The following METTL22 variants were observed in gnomAD, a reference collection of about 807,000 sequenced individuals.
METTL22 encodes the protein methyltransferase 22, Kin17 lysine.
In METTL22, 51 loss-of-function variants were observed where a neutral mutation model predicts 48.4. The ratio of observed to expected loss-of-function variants is 1.05; its 90% CI spans 0.84 to 1.33. The LOEUF (loss-of-function observed/expected upper bound fraction) is 1.33. Ranked by LOEUF, METTL22 falls within the 40% of genes most tolerant of loss-of-function variation. The pLI, the probability that METTL22 is intolerant of heterozygous loss-of-function variation, is 0.00. For synonymous variants in METTL22, 255 were observed against 214.1 expected (o/e 1.19, Z -1.67); for missense variants, 678 against 526.9 (o/e 1.29, Z -2.81).
intron 10 of METTL22, chr16:8,645,829 C>A: frequency 1.2e-6 from 1 of 844,812 alleles, no homozygotes; most frequent in South Asian, 3.7e-5. Context: ...TACGGCAACT[C>A]ACTGCTATTC....
In METTL22 at chr16:8,635,194, A is replaced by G. The variant is rs760556241; in HGVS notation, c.582A>G (p.Ala194=). The G allele has an allele frequency of 6.2e-7, 1 of 1,610,964 alleles. No individual in the cohort carries two copies. The highest frequency in any genetic ancestry group is 1.7e-5 in the Admixed American group (1 of 59,856). ...KQVWRGALLL[A]DYILFRQDLF... ...TGTGGCGGGGCGCCCTGCTCCTGGC[A>G]GACTACATCCTGTTCCGACAGGACC... The change falls in exon 5 of 11, where the codon GCA becomes GCG. Residue 194 remains alanine (A), a synonymous_variant. Transcript: ENST00000381920.
chr16:8,642,683 C>A, intron 9 of METTL22, 118 bp downstream of exon 9: 1 of 948,578 alleles, frequency 1.1e-6, no homozygotes, highest in African/African-American at 1.6e-5. Context: ...TTATTGAGCA[C>A]CTACTATGTG....
chr16:8,642,626 C>G (rs1368120001), intron 9 of METTL22, 61 bp downstream of exon 9: 2 of 1,462,230 alleles, frequency 1.4e-6, no homozygotes. Context: ...CTCTCACCTC[C>G]TAATTGTGTC....
chr16:8,627,317 C>G (rs2056095552), intron 2 of METTL22, among the ~76,000 whole-genome samples: 1 of 152,090 alleles, frequency 6.6e-6, no homozygotes, highest in Non-Finnish European at 1.5e-5. Flanking sequence ...ATGTCACTCT[C>G]TCTTGCTCTT....
chr16:8,625,116 T>C (rs2056000203), intron 1 of METTL22, among the ~76,000 whole-genome samples: 1 of 152,190 alleles, frequency 6.6e-6, no homozygotes, highest in Non-Finnish European at 1.5e-5. Flanking sequence ...GATTTGCTAA[T>C]GGTCTTATGA....
intron 6 of METTL22, among the ~76,000 whole-genome samples, chr16:8,640,650 G>GAGGC (rs2056570835): frequency 3.1e-5 from 2 of 63,594 alleles, no homozygotes; most frequent in East Asian, 6.1e-4. Flanking sequence ...GGATGGGAGG[G>GAGGC]AGGGAGGGAA....
chr16:8,642,588 C>A (rs373622221), intron 9 of METTL22, 23 bp downstream of exon 9: 1 of 1,604,178 alleles, frequency 6.2e-7, no homozygotes, highest in Admixed American at 1.7e-5. Context: ...CCACGGGAAC[C>A]GTGCTGACGT....
At chr16:8,633,840 CCT>C (rs2056341487) in intron 3 of METTL22, among the ~76,000 whole-genome samples, 1 of 152,204 alleles carries the variant, frequency 6.6e-6, no homozygotes, top group Admixed American at 6.5e-5. Context: ...TAATGCTGAA[CCT>C]TAGTCAGTGT....
intron 1 of METTL22, chr16:8,623,575 C>T (rs912046452): frequency 6.6e-6 from 1 of 152,204 alleles, no homozygotes; most frequent in Non-Finnish European, 1.5e-5. Flanking sequence ...TGTTGGCCTT[C>T]AGGTCCAGCA....
the METTL22 span, among the ~76,000 whole-genome samples, chr16:8,661,876 T>C: frequency 2.3e-4 from 34 of 145,130 alleles, 3 homozygotes; most frequent in Admixed American, 8.4e-4. Flanking sequence ...CCCAGCCTCC[T>C]GTACCCATTT....
At chr16:8,636,121 G>A (rs914847236) in intron 5 of METTL22, among the ~76,000 whole-genome samples, 5 of 151,994 alleles carry the variant, frequency 3.3e-5, no homozygotes, top group East Asian at 1.9e-4. Flanking sequence ...CCCTCCCACC[G>A]TGTCACCTTC....
chr16:8,645,990 T>A, intron 10 of METTL22, 118 bp from the exon 11 acceptor site: 1 of 1,511,994 alleles, frequency 6.6e-7, no homozygotes. Context: ...CCAGCTCGCC[T>A]GCTCCGTGGC....
chr16:8,662,830 A>G, the METTL22 span, among the ~76,000 whole-genome samples: 520 of 144,474 alleles, frequency 3.6e-3, 64 homozygotes, highest in African/African-American at 0.013. Flanking sequence ...TGCGCACACT[A>G]CTAGTACTTA....
chr16:8,626,330 C>G (rs559426973), intron 2 of METTL22, among the ~76,000 whole-genome samples: 5 of 152,208 alleles, frequency 3.3e-5, no homozygotes, highest in African/African-American at 1.2e-4. Context: ...ACCTATTGTG[C>G]GCCTGACCCA....
intron 10 of METTL22, chr16:8,645,822 G>A: frequency 1.3e-6 from 1 of 757,542 alleles, no homozygotes; most frequent in Non-Finnish European, 1.7e-6. Context: ...GGAGAGATAC[G>A]GCAACTCACT....
the METTL22 span, among the ~76,000 whole-genome samples, chr16:8,655,653 C>G: frequency 6.6e-6 from 1 of 152,182 alleles, no homozygotes; most frequent in Non-Finnish European, 1.5e-5. Flanking sequence ...AGGCTGCCCA[C>G]AAGAGAGATG....
In METTL22 at chr16:8,635,221, C is replaced by T; in HGVS notation, c.609C>T (p.Leu203=). The T allele has an allele frequency of 1.2e-6, 2 of 1,611,716 alleles. No homozygotes were observed. Among genetic ancestry groups the T allele is most frequent in the South Asian group, 1.1e-5 (1 of 90,872 alleles). ...ACTACATCCTGTTCCGACAGGACCTCTTCCGAGGATGTACAGCGCTGGAGC... is the reference window on the plus strand; with the variant it reads ...ACTACATCCTGTTCCGACAGGACCTTTTCCGAGGATGTACAGCGCTGGAGC... ...LADYILFRQD[L]FRGCTALELG... is the part of the protein sequence containing the mutation. Residue 203 remains leucine, a synonymous_variant, in exon 5 of 11, where the codon CTC becomes CTT. Transcript: ENST00000381920.
the METTL22 span, among the ~76,000 whole-genome samples, chr16:8,660,395 T>A: frequency 1.3e-5 from 2 of 152,008 alleles, no homozygotes; most frequent in Admixed American, 1.3e-4. Context: ...GCCAGGCTGG[T>A]CTCGAACTCC....
the METTL22 span, among the ~76,000 whole-genome samples, chr16:8,656,552 G>A: frequency 5.9e-5 from 9 of 152,246 alleles, no homozygotes; most frequent in East Asian, 1.7e-3. Flanking sequence ...GAAAACAGCT[G>A]TGTGGGCTGT....
Sources: gnomAD v4.1 joint callset for allele counts (sites outside exome capture counted in the v4.1 genomes callset) on GRCh38, gnomAD v4.1.1 for gene constraint, MANE v1.5 for transcripts, NCBI Gene and HGNC (gene_info 2026-07-23, HGNC 2026-07-21) for gene names.